DAPL1: variants seen among roughly 807,000 people sequenced by gnomAD.
DAPL1 encodes the protein death-associated protein-like 1.
Under a neutral mutation model 12.9 loss-of-function variants are expected in DAPL1, and 17 were observed. The observed-to-expected ratio is 1.32, with a 90% CI of 0.90 to 1.98. The LOEUF is 1.98. DAPL1 is among the 30% of genes most tolerant of loss of function. The pLI, the probability that DAPL1 is intolerant of heterozygous loss-of-function variation, is 0.00. For synonymous variants in DAPL1, 51 were observed against 42.0 expected, an observed-to-expected ratio of 1.21 and a Z score of -0.82; for missense variants, 157 against 125.7, an observed-to-expected ratio of 1.25 and a Z score of -1.19.
At chr2:158,812,973 C>A (rs550853021) in intron 3 of DAPL1, among the ~76,000 whole-genome samples, 15 of 151,932 alleles carry the variant, frequency 9.9e-5, no homozygotes, top group Admixed American at 2.0e-4. Context: ...TGAAGAGATC[C>A]TAACCAAGTA....
At chr2:158,802,015 T>C (rs2059170387) in intron 1 of DAPL1, among the ~76,000 whole-genome samples, 1 of 152,192 alleles carries the variant, frequency 6.6e-6, no homozygotes, top group South Asian at 2.1e-4. Flanking sequence ...GCTCAACCTT[T>C]AATAAAACAT....
intron 2 of DAPL1, among the ~76,000 whole-genome samples, chr2:158,805,592 G>C (rs2059196719): frequency 7.5e-6 from 1 of 134,228 alleles, no homozygotes; most frequent in African/African-American, 2.6e-5. Flanking sequence ...GCCTGAGCCA[G>C]TGGCTCAGGA....
At chr2:158,802,756 T>A (rs1441817043) in intron 1 of DAPL1, among the ~76,000 whole-genome samples, 1 of 152,218 alleles carries the variant, frequency 6.6e-6, no homozygotes, top group Non-Finnish European at 1.5e-5. Flanking sequence ...TAAACTTGCT[T>A]ATTTCACTGA....
At chr2:158,806,603 G>A (rs1470189134) in intron 2 of DAPL1, among the ~76,000 whole-genome samples, 2 of 152,034 alleles carry the variant, frequency 1.3e-5, no homozygotes, top group Non-Finnish European at 2.9e-5. Context: ...GGGAGGCTGA[G>A]GCGAGTGGAT....
intron 1 of DAPL1, among the ~76,000 whole-genome samples, chr2:158,797,530 G>A (rs552505394): frequency 5.9e-5 from 9 of 152,228 alleles, no homozygotes; most frequent in Non-Finnish European, 1.2e-4. Flanking sequence ...AGTAGCTCAC[G>A]CCTGTAATCC....
At chr2:158,795,603 A>G in intron 1 of DAPL1, among the ~76,000 whole-genome samples, 173 bp downstream of exon 1, 1 of 152,148 alleles carries the variant, frequency 6.6e-6, no homozygotes, top group Non-Finnish European at 1.5e-5. Context: ...TTGTATGTAA[A>G]TCCACCCGGG....
intron 3 of DAPL1, 34 bp downstream of exon 3, chr2:158,807,149 T>C: frequency 6.4e-7 from 1 of 1,562,738 alleles, no homozygotes; most frequent in Non-Finnish European, 8.8e-7. Context: ...GCGCTCCAAG[T>C]CAATCTGCCC....
chr2:158,806,284 T>C (rs1247146666), intron 2 of DAPL1, among the ~76,000 whole-genome samples: 1 of 123,536 alleles, frequency 8.1e-6, no homozygotes, highest in African/African-American at 2.7e-5. Flanking sequence ...CATTGTACTG[T>C]AGATTTGGCC....
At chr2:158,797,382 T>A (rs998152520) in intron 1 of DAPL1, among the ~76,000 whole-genome samples, 1 of 152,092 alleles carries the variant, frequency 6.6e-6, no homozygotes, top group East Asian at 1.9e-4. Flanking sequence ...AAAGAAATTA[T>A]CCTCCCCAAT....
At chr2:158,813,238 G>A (rs373568835) in intron 3 of DAPL1, among the ~76,000 whole-genome samples, 41 of 152,166 alleles carry the variant, frequency 2.7e-4, no homozygotes, top group African/African-American at 9.9e-4. Context: ...GAGGAGGAGG[G>A]AATGGAGAAT....
At chr2:158,808,605 C>T (rs1248442927) in intron 3 of DAPL1, among the ~76,000 whole-genome samples, 1 of 152,164 alleles carries the variant, frequency 6.6e-6, no homozygotes, top group Non-Finnish European at 1.5e-5. Context: ...AGCCTTGGTT[C>T]TCCACTCAGG....
intron 1 of DAPL1, among the ~76,000 whole-genome samples, chr2:158,799,165 T>G (rs1400721757): frequency 6.6e-6 from 1 of 152,210 alleles, no homozygotes; most frequent in Non-Finnish European, 1.5e-5. Context: ...TCTAGTGAAA[T>G]TATCTAAAAG....
chr2:158,814,927 T>C (rs1325025574), intron 3 of DAPL1, among the ~76,000 whole-genome samples: 1 of 152,130 alleles, frequency 6.6e-6, no homozygotes, highest in Admixed American at 6.5e-5. Context: ...GTGTCCAAAT[T>C]CTCCTCCTAG....
chr2:158,805,219 T>A (rs78959770), intron 2 of DAPL1, among the ~76,000 whole-genome samples: 5,941 of 152,304 alleles, frequency 0.039, 139 homozygotes, highest in Middle Eastern at 0.12. Flanking sequence ...ATAAAATTAT[T>A]TTTAAATCAC....
intron 3 of DAPL1, among the ~76,000 whole-genome samples, chr2:158,814,795 T>C (rs919549370): frequency 2.0e-5 from 3 of 152,204 alleles, no homozygotes; most frequent in East Asian, 1.9e-4. Context: ...TCAATAGTGA[T>C]AAGTTAAATT....
rs1449325354 is a variant in DAPL1, at chr2:158,807,110, G to A, written c.202G>A (p.Glu68Lys). 9 of 1,609,138 alleles carry A rather than the reference G, an allele frequency of 5.6e-6. No homozygotes were observed. The highest frequency in any genetic ancestry group is 7.6e-6 in the Non-Finnish European group (9 of 1,176,746). Reference protein sequence around the residue: ...QTLDALNDALEKLNYKFPATV... With the variant: ...QTLDALNDALKKLNYKFPATV... ...ACTGGATGCCCTGAATGACGCACTG[G>A]AGAAGGTGAGCCGTGGGCAAATCAC... is the stretch of plus-strand genomic sequence containing the variant. The change falls in exon 3 of 4, where the codon GAG becomes AAG. Residue 68 changes from glutamate (E) to lysine (K), a missense_variant. By Grantham distance (56) the Glu-to-Lys change is moderately conservative. Coordinates refer to ENST00000309950, the MANE Select transcript of DAPL1 (RefSeq NM_001017920.3).
chr2:158,807,794 T>A (rs371607064), intron 3 of DAPL1: 1 of 152,448 alleles, frequency 6.6e-6, no homozygotes, highest in African/African-American at 2.4e-5. Context: ...ATTACAGGCA[T>A]GTACCACCAC....
chr2:158,803,183 A>G (rs1352174763), intron 1 of DAPL1, among the ~76,000 whole-genome samples: 2 of 152,356 alleles, frequency 1.3e-5, no homozygotes, highest in East Asian at 3.9e-4. Context: ...AGCTTATAAC[A>G]TTAGCAGTAT....
At chr2:158,808,798 T>C (rs182596542) in intron 3 of DAPL1, among the ~76,000 whole-genome samples, 65 of 152,288 alleles carry the variant, frequency 4.3e-4, no homozygotes, top group African/African-American at 1.4e-3. Context: ...TAGGATAGAA[T>C]AGACATGTTC....
Sources: gnomAD v4.1 joint callset for allele counts (sites outside exome capture counted in the v4.1 genomes callset) on GRCh38, gnomAD v4.1.1 for gene constraint, MANE v1.5 for transcripts, NCBI Gene and HGNC (gene_info 2026-07-23, HGNC 2026-07-21) for gene names.